The following GBE1 variants were observed in gnomAD, a reference collection of about 807,000 sequenced individuals.
GBE1 encodes the protein 1,4-alpha-glucan-branching enzyme.
A neutral mutation model predicts 88.8 loss-of-function variants in GBE1; 70 were observed. The observed-to-expected ratio is 0.79, with a 90% CI of 0.65 to 0.96. GBE1 has a LOEUF of 0.96. Among genes scored for constraint, GBE1 ranks in the 40% least tolerant of loss-of-function variants. GBE1 has a pLI of 0.00. For missense variants in GBE1, 872 were observed against 871.0 expected (o/e 1.00, Z -0.01); for synonymous variants, 284 against 300.1 (o/e 0.95, Z 0.56).
intron 3 of GBE1, among the ~76,000 whole-genome samples, chr3:81,663,397 A>G (rs1326572359): frequency 6.6e-6 from 1 of 152,128 alleles, no homozygotes. Context: ...AGACATCAGC[A>G]TGCCCGCAGG....
At chr3:81,548,431 C>T (rs1703235286) in intron 12 of GBE1, among the ~76,000 whole-genome samples, 1 of 151,322 alleles carries the variant, frequency 6.6e-6, no homozygotes, top group African/African-American at 2.4e-5. Context: ...TAGTGTTTGG[C>T]TTTCTTTGGG....
Position 81,590,993 on chromosome 3 carries a change from T to C in GBE1, c.1236+44A>G, listed in dbSNP as rs549236919. On this transcript the variant is annotated intron_variant, in intron 9 of 15. Transcript: ENST00000429644. Reference sequence around the variant, plus strand: ...AATACTGTATGCTGACAAAATACTCTCTATTAAAGGGGGTCAGAAGGTAAG... The same window carrying C: ...AATACTGTATGCTGACAAAATACTCCCTATTAAAGGGGGTCAGAAGGTAAG... 3.4e-4 allele frequency: 525 copies of C among 1,522,166 alleles called. 2 individuals carry two copies. In the South Asian group the frequency reaches 6.5e-3, roughly 19 times the overall value. The allele number at this position is 1,522,166 out of a possible 1,614,324, so 94.3% of individuals were successfully genotyped here. A position where few individuals can be genotyped will look rare whatever the true frequency, so the allele number is the denominator to read the frequency against.
At chr3:81,687,031 G>C (rs1369960563) in intron 2 of GBE1, among the ~76,000 whole-genome samples, 2 of 151,958 alleles carry the variant, frequency 1.3e-5, no homozygotes, top group African/African-American at 4.8e-5. Context: ...CCCCAACCTG[G>C]TTATCTTTAA....
chr3:81,542,758 C>T (rs2106880464), intron 12 of GBE1, among the ~76,000 whole-genome samples: 1 of 152,072 alleles, frequency 6.6e-6, no homozygotes, highest in South Asian at 2.1e-4. Flanking sequence ...CTATGTTCAC[C>T]ACCTGGGTGA....
intron 3 of GBE1, among the ~76,000 whole-genome samples, chr3:81,657,585 A>C (rs1448124633): frequency 2.0e-5 from 3 of 152,142 alleles, no homozygotes. Flanking sequence ...GAATTTTTCT[A>C]AAACTGTACA....
intron 15 of GBE1, among the ~76,000 whole-genome samples, chr3:81,495,126 C>T (rs752171527): frequency 3.9e-5 from 6 of 152,290 alleles, no homozygotes; most frequent in Non-Finnish European, 8.8e-5. Flanking sequence ...TAGTGGCTCA[C>T]GCCTGTAATC....
chr3:81,717,115 G>C (rs1263194462), intron 1 of GBE1, among the ~76,000 whole-genome samples: 1 of 152,198 alleles, frequency 6.6e-6, no homozygotes, highest in East Asian at 1.9e-4. Flanking sequence ...GGGCAATGCT[G>C]TAACTGTTCA....
intron 11 of GBE1, among the ~76,000 whole-genome samples, chr3:81,578,340 G>C (rs1178221639): frequency 6.6e-6 from 1 of 151,938 alleles, no homozygotes; most frequent in Non-Finnish European, 1.5e-5. Flanking sequence ...AAATAGGTTG[G>C]TGAAAGATTC....
At chr3:81,636,127 T>C (rs1158791284) in intron 7 of GBE1, among the ~76,000 whole-genome samples, 1 of 152,182 alleles carries the variant, frequency 6.6e-6, no homozygotes, top group Non-Finnish European at 1.5e-5. Flanking sequence ...AAGTTATATT[T>C]CTACCATTCA....
chr3:81,635,418 T>C (rs755475300), intron 7 of GBE1, among the ~76,000 whole-genome samples: 3 of 152,180 alleles, frequency 2.0e-5, no homozygotes, highest in Non-Finnish European at 2.9e-5. Flanking sequence ...ATATTACTTA[T>C]ATATGGATGC....
At chr3:81,749,641 T>C (rs1575776980) in intron 1 of GBE1, among the ~76,000 whole-genome samples, 3 of 152,164 alleles carry the variant, frequency 2.0e-5, no homozygotes, top group Admixed American at 1.3e-4. Flanking sequence ...GTAAATAAGG[T>C]CTGTAGTTTG....
chr3:81,664,509 C>T (rs2107103441), intron 3 of GBE1, among the ~76,000 whole-genome samples: 1 of 149,504 alleles, frequency 6.7e-6, no homozygotes, highest in East Asian at 1.9e-4. Context: ...AACCTGAGAG[C>T]AGCTGGGCCT....
chr3:81,579,097 A>G (rs1243775550), intron 11 of GBE1, among the ~76,000 whole-genome samples: 1 of 151,956 alleles, frequency 6.6e-6, no homozygotes, highest in Non-Finnish European at 1.5e-5. Flanking sequence ...ATAACTTTGG[A>G]TCAGGTTCAT....
At chr3:81,507,665 T>C (rs77208351) in intron 14 of GBE1, among the ~76,000 whole-genome samples, 1 of 148,338 alleles carries the variant, frequency 6.7e-6, no homozygotes, top group African/African-American at 2.5e-5. Flanking sequence ...TTTATACATA[T>C]ATGTGTGTGT....
chr3:81,543,383 T>G (rs1486652489), intron 12 of GBE1, among the ~76,000 whole-genome samples: 1 of 152,092 alleles, frequency 6.6e-6, no homozygotes, highest in African/African-American at 2.4e-5. Flanking sequence ...CAAATTAAGT[T>G]TAATGTAGAC....
chr3:81,553,372 T>C (rs1703301562), intron 12 of GBE1, among the ~76,000 whole-genome samples: 1 of 152,090 alleles, frequency 6.6e-6, no homozygotes, highest in African/African-American at 2.4e-5. Flanking sequence ...TTAAATAGCA[T>C]TATGCTGTGT....
At chr3:81,582,214 C>T (rs541666868) in intron 10 of GBE1, among the ~76,000 whole-genome samples, 5 of 152,122 alleles carry the variant, frequency 3.3e-5, no homozygotes, top group African/African-American at 9.6e-5. Context: ...GAGGGCAGAA[C>T]GTGGAAGGCA....
intron 15 of GBE1, among the ~76,000 whole-genome samples, chr3:81,494,695 G>C (rs1409595547): frequency 1.3e-5 from 2 of 152,116 alleles, no homozygotes; most frequent in East Asian, 3.9e-4. Flanking sequence ...TTAATAGTCT[G>C]CTCTTCACAA....
At chr3:81,569,154 C>A (rs917775709) in intron 12 of GBE1, among the ~76,000 whole-genome samples, 1 of 151,820 alleles carries the variant, frequency 6.6e-6, no homozygotes, top group Non-Finnish European at 1.5e-5. Flanking sequence ...TCCCAAATGT[C>A]CAAATTACAT....
Sources: gnomAD v4.1 joint callset for allele counts (sites outside exome capture counted in the v4.1 genomes callset) on GRCh38, gnomAD v4.1.1 for gene constraint, MANE v1.5 for transcripts, NCBI Gene and HGNC (gene_info 2026-07-23, HGNC 2026-07-21) for gene names.